BMP1: variants seen among roughly 807,000 people sequenced by gnomAD.
BMP1 encodes the protein bone morphogenetic protein 1, also known as mammalian tolloid protein.
A neutral mutation model predicts 116.8 loss-of-function variants in BMP1; 63 were observed. The observed-to-expected ratio is 0.54, with a 90% CI of 0.44 to 0.67. The LOEUF (loss-of-function observed/expected upper bound fraction) is 0.67, where lower values mean the gene tolerates loss of function less well. Among genes scored for constraint, BMP1 ranks in the 30% least tolerant of loss-of-function variants. The probability of loss-of-function intolerance (pLI) is 0.00; values close to 1 mark genes in which losing one functional copy is unlikely to be tolerated. For synonymous variants in BMP1, 536 were observed against 533.4 expected (o/e 1.00, Z -0.07); for missense variants, 1,183 against 1,358.9 (o/e 0.87, Z 2.04).
chr8:22,184,310 A>G (rs975927751), intron 8 of BMP1, among the ~76,000 whole-genome samples: 2 of 152,188 alleles, frequency 1.3e-5, no homozygotes, highest in Non-Finnish European at 2.9e-5. Context: ...GGCTAGCACT[A>G]GTCTCTCTAG....
At chr8:22,176,798 G>T in intron 4 of BMP1, 148 bp downstream of exon 4, 3 of 1,011,560 alleles carry the variant, frequency 3.0e-6, no homozygotes, top group Non-Finnish European at 3.0e-6. Context: ...ACTGCCCCCT[G>T]TGCGGCTGTG....
intron 1 of BMP1, among the ~76,000 whole-genome samples, chr8:22,168,846 G>A (rs1828194543): frequency 6.6e-6 from 1 of 152,158 alleles, no homozygotes; most frequent in Non-Finnish European, 1.5e-5. Context: ...GGCAGGGCGG[G>A]GCAGTGGGGT....
At chr8:22,185,931 G>A (rs2131864962) in intron 8 of BMP1, among the ~76,000 whole-genome samples, 1 of 151,094 alleles carries the variant, frequency 6.6e-6, no homozygotes, top group East Asian at 1.9e-4. Context: ...CGCCTCCCGG[G>A]TTCAAGTGAT....
chr8:22,197,179 G>A, intron 14 of BMP1, 61 bp from the exon 15 acceptor site: 1 of 1,570,562 alleles, frequency 6.4e-7, no homozygotes, highest in Non-Finnish European at 8.7e-7. Flanking sequence ...CTTCCCGAGG[G>A]CAGGAGTAGT....
intron 19 of BMP1, among the ~76,000 whole-genome samples, chr8:22,211,150 G>A (rs371532196): frequency 9.8e-4 from 150 of 152,344 alleles, no homozygotes; most frequent in African/African-American, 3.2e-3. Context: ...TGGCTGTGCC[G>A]TCTTCCCTAA....
Position 22,195,078 on chromosome 8 carries a change from G to GT in BMP1, c.1639+160dup, listed in dbSNP as rs566622553. On this transcript the variant is annotated intron_variant, in intron 12 of 19. Coordinates refer to ENST00000306385, the MANE Select transcript of BMP1 (RefSeq NM_006129.5). ...GCTCTGGGCTAGCTGGGGAGAAGAGGTCCCCCAATGTGGATTAGAGGCAGG... is the reference window on the plus strand; with the variant it reads ...GCTCTGGGCTAGCTGGGGAGAAGAGGTTCCCCCAATGTGGATTAGAGGCAGG... 1.4e-3 allele frequency among the ~76,000 whole-genome samples: 212 copies of GT among 152,290 alleles called. 1 individual carries two copies. The highest frequency in any genetic ancestry group is 6.8e-3 in the Middle Eastern group (2 of 294).
At chr8:22,186,986 C>A (rs1016534092) in intron 8 of BMP1, among the ~76,000 whole-genome samples, 1 of 152,026 alleles carries the variant, frequency 6.6e-6, no homozygotes, top group Non-Finnish European at 1.5e-5. Flanking sequence ...TATTCCTAAT[C>A]TTTTAATTTT....
intron 1 of BMP1, among the ~76,000 whole-genome samples, chr8:22,166,763 G>A (rs1300828860): frequency 3.9e-5 from 6 of 152,070 alleles, no homozygotes; most frequent in Non-Finnish European, 8.8e-5. Flanking sequence ...AGGAAATCAG[G>A]GCAAATCCCT....
At position 22,195,601 on chromosome 8, in the gene BMP1, G is replaced by T. The variant is rs923056991; in HGVS notation, c.1765+14G>T. 2 of 1,607,904 alleles carry T rather than the reference G, an allele frequency of 1.2e-6. No homozygotes were observed. The highest frequency in any genetic ancestry group is 1.7e-6 in the Non-Finnish European group (2 of 1,178,592). ...GCCGCTGTGAGGGTGAGTGCCCCCAGACTGCCTCTGACCCTGTTCTTTCCC... is the reference window on the plus strand; with the variant it reads ...GCCGCTGTGAGGGTGAGTGCCCCCATACTGCCTCTGACCCTGTTCTTTCCC... On this transcript the variant is annotated intron_variant, in intron 13 of 19. Transcript: ENST00000306385.
chr8:22,177,002 C>T lies in BMP1; in HGVS notation c.593C>T (p.Ala198Val), dbSNP rs1828460308. 3 of 1,612,560 alleles carry T rather than the reference C, an allele frequency of 1.9e-6. No individual in the cohort carries two copies. The highest frequency in any genetic ancestry group is 2.5e-6 in the Non-Finnish European group (3 of 1,179,590). The change falls in exon 5 of 20, where the codon GCC (alanine) becomes GTC (valine). Residue 198 changes from alanine (A) to valine (V), a missense_variant. Transcript: ENST00000306385. ...GGTCGCCGCGGCGGGGGCCCCCAGG[C>T]CATCTCCATCGGCAAGAACTGTGAC... Reference protein sequence around the residue: ...YVGRRGGGPQAISIGKNCDKF... With the variant: ...YVGRRGGGPQVISIGKNCDKF...
intron 8 of BMP1, 64 bp from the exon 9 acceptor site, chr8:22,191,985 G>A (rs1354096483): frequency 1.4e-6 from 2 of 1,443,846 alleles, no homozygotes; most frequent in African/African-American, 2.8e-5. Context: ...GTCATCATGG[G>A]GCTGGCAGAG....
At chr8:22,183,578 C>A (rs1329098173) in intron 8 of BMP1, among the ~76,000 whole-genome samples, 3 of 148,796 alleles carry the variant, frequency 2.0e-5, no homozygotes, top group African/African-American at 7.7e-5. Context: ...TTTGATTGAG[C>A]AGGTATGTGT....
At chr8:22,174,817 A>T (rs1828386041) in intron 2 of BMP1, among the ~76,000 whole-genome samples, 1 of 151,818 alleles carries the variant, frequency 6.6e-6, no homozygotes, top group Admixed American at 6.6e-5. Flanking sequence ...TATTTTTAGT[A>T]GACACGGGAT....
chr8:22,208,687 G>A (rs1829408704), intron 18 of BMP1, among the ~76,000 whole-genome samples: 2 of 152,216 alleles, frequency 1.3e-5, no homozygotes, highest in South Asian at 4.1e-4. Context: ...GGAGTCCAGG[G>A]GGATGCCTTG....
chr8:22,176,099 C>G (rs1320057118), intron 2 of BMP1, 44 bp from the exon 3 acceptor site: 2 of 1,595,194 alleles, frequency 1.3e-6, no homozygotes, highest in African/African-American at 2.7e-5. Flanking sequence ...TTGCTTTCCT[C>G]CTCTTTCTCT....
chr8:22,206,239 C>T (rs747649105), intron 16 of BMP1, among the ~76,000 whole-genome samples: 1 of 152,124 alleles, frequency 6.6e-6, no homozygotes, highest in East Asian at 1.9e-4. Context: ...TAGTGGCTCA[C>T]GCCTGTAATC....
intron 1 of BMP1, among the ~76,000 whole-genome samples, chr8:22,169,168 C>CA (rs1337165493): frequency 3.3e-5 from 4 of 121,688 alleles, no homozygotes; most frequent in Non-Finnish European, 6.7e-5. Flanking sequence ...GTCTGGGTGA[C>CA]AAAGCAAGAC....
chr8:22,177,991 G>C (rs774946592), intron 6 of BMP1, 34 bp downstream of exon 6: 1 of 1,526,798 alleles, frequency 6.5e-7, no homozygotes. Context: ...GCCTCTGCTC[G>C]GGCAGCCCCA....
chr8:22,201,702 T>A lies in BMP1; in HGVS notation c.2108-101T>A, dbSNP rs1829266770. On this transcript the variant is annotated intron_variant, in intron 15 of 19. Coordinates refer to ENST00000306385, the MANE Select transcript of BMP1 (RefSeq NM_006129.5). ...GCCAGCTCTGCCAGCTGTTGCTCTG[T>A]CCCGGTGGGAGAAAGTCCAGCCAGG... is the stretch of plus-strand genomic sequence containing the variant. The A allele has an allele frequency of 4.5e-6, 7 of 1,549,960 alleles. No homozygotes were observed. The South Asian group carries it at 8.2e-5, about 18-fold the overall frequency.
Sources: allele counts gnomAD v4.1 joint callset (sites outside exome capture counted in the v4.1 genomes callset), GRCh38; gene constraint gnomAD v4.1.1; transcripts MANE v1.5; gene names NCBI Gene and HGNC (gene_info 2026-07-23, HGNC 2026-07-21).